Variants in DSCAM observed in about 807,000 individuals in gnomAD.
The protein encoded by DSCAM is cell adhesion molecule DSCAM.
In DSCAM, 47 loss-of-function variants were observed where a neutral mutation model predicts 217.7. The observed-to-expected ratio is 0.22, with a 90% confidence interval of 0.17 to 0.28. The LOEUF is 0.28. DSCAM is among the 10% of genes least tolerant of loss of function. The pLI, the probability that DSCAM is intolerant of heterozygous loss-of-function variation, is 1.00. For missense variants in DSCAM, 2,080 were observed against 2,618.3 expected (o/e 0.79, Z 4.49); for synonymous variants, 1,056 against 1,015.3 (o/e 1.04, Z -0.76).
chr21:40,025,275 G>C lies in DSCAM; in HGVS notation c.5687-11889C>G, dbSNP rs1227792623. Among the ~76,000 whole-genome samples, 242 of 126,828 alleles carry C rather than the reference G, an allele frequency of 1.9e-3. 1 individual carries two copies. The highest frequency in any genetic ancestry group is 7.1e-3 in the African/African-American group (230 of 32,608). The allele number at this position is 126,828 out of a possible 152,430, so 83.2% of individuals were successfully genotyped here. A position where few individuals can be genotyped will look rare whatever the true frequency, so the allele number is the denominator to read the frequency against. On this transcript the variant is annotated intron_variant, in intron 32 of 32. Transcript: ENST00000400454. ...ATGTGCTGCTGGATTCGGTCTGCCAGTATTTTATTGAGGATTTTTGCATCA... is the reference window on the plus strand; with the variant it reads ...ATGTGCTGCTGGATTCGGTCTGCCACTATTTTATTGAGGATTTTTGCATCA...
At chr21:40,353,421 C>T (rs555006516) in intron 5 of DSCAM, 44 bp downstream of exon 5, 13 of 1,582,370 alleles carry the variant, frequency 8.2e-6, no homozygotes, top group Admixed American at 8.0e-5. Flanking sequence ...GGAGCTCCAT[C>T]GATGGAAGCC....
intron 20 of DSCAM, among the ~76,000 whole-genome samples, chr21:40,097,991 AAAG>A (rs2089703888): frequency 6.8e-6 from 1 of 146,808 alleles, no homozygotes; most frequent in Non-Finnish European, 1.5e-5. Flanking sequence ...AGAAAGAAAG[AAAG>A]AAAGAAAGAA....
chr21:40,624,326 G>A (rs1201706442), intron 3 of DSCAM, among the ~76,000 whole-genome samples: 1 of 152,150 alleles, frequency 6.6e-6, no homozygotes, highest in Non-Finnish European at 1.5e-5. Flanking sequence ...AAAGCTCAGA[G>A]ACAGAAAGAT....
At chr21:40,433,400 G>A (rs1188902889) in intron 3 of DSCAM, among the ~76,000 whole-genome samples, 2 of 150,410 alleles carry the variant, frequency 1.3e-5, no homozygotes, top group Non-Finnish European at 2.9e-5. Context: ...CCAGCTGCAC[G>A]GGACCAACAC....
At chr21:40,480,859 T>A (rs1193563571) in intron 3 of DSCAM, among the ~76,000 whole-genome samples, 1 of 152,216 alleles carries the variant, frequency 6.6e-6, no homozygotes, top group Non-Finnish European at 1.5e-5. Flanking sequence ...TATCAATATT[T>A]ATATCTTTTC....
chr21:40,521,715 A>C (rs893376240), intron 3 of DSCAM, among the ~76,000 whole-genome samples: 1 of 152,186 alleles, frequency 6.6e-6, no homozygotes, highest in Non-Finnish European at 1.5e-5. Flanking sequence ...GAGTAGGAAT[A>C]GGGAGATGGG....
chr21:40,495,552 T>C (rs1262859861), intron 3 of DSCAM, among the ~76,000 whole-genome samples: 1 of 152,222 alleles, frequency 6.6e-6, no homozygotes, highest in African/African-American at 2.4e-5. Context: ...AAAGGGCATA[T>C]GTGACAAACC....
chr21:40,019,392 TA>T (rs1320493719), intron 32 of DSCAM, among the ~76,000 whole-genome samples: 2 of 152,242 alleles, frequency 1.3e-5, no homozygotes, highest in Non-Finnish European at 2.9e-5. Context: ...CTGACAGGTC[TA>T]GATCTGGGCT....
intron 1 of DSCAM, among the ~76,000 whole-genome samples, chr21:40,798,883 G>T (rs748004151): frequency 1.3e-5 from 2 of 151,982 alleles, no homozygotes; most frequent in Non-Finnish European, 2.9e-5. Context: ...CAAAATTAAA[G>T]AGATTAAAAT....
At chr21:40,700,248 A>C (rs1205723542) in intron 2 of DSCAM, among the ~76,000 whole-genome samples, 1 of 152,236 alleles carries the variant, frequency 6.6e-6, no homozygotes, top group Non-Finnish European at 1.5e-5. Flanking sequence ...AGAAGTGGTG[A>C]GAGCATACAC....
intron 11 of DSCAM, among the ~76,000 whole-genome samples, chr21:40,232,478 C>A (rs1053372286): frequency 6.6e-6 from 1 of 152,162 alleles, no homozygotes; most frequent in Non-Finnish European, 1.5e-5. Flanking sequence ...AGTGTCTCTA[C>A]AAGGGACTTC....
At chr21:40,446,447 T>G (rs2075675382) in intron 3 of DSCAM, among the ~76,000 whole-genome samples, 2 of 152,192 alleles carry the variant, frequency 1.3e-5, no homozygotes, top group Admixed American at 1.3e-4. Context: ...CTGCATACAG[T>G]GCTTTGCTGG....
chr21:40,182,040 G>A (rs952404986), intron 14 of DSCAM, among the ~76,000 whole-genome samples: 3 of 151,990 alleles, frequency 2.0e-5, no homozygotes, highest in Non-Finnish European at 2.9e-5. Context: ...TGGGGAGCTC[G>A]CCTTGGGGGT....
At chr21:40,648,969 C>T (rs2146355692) in intron 3 of DSCAM, among the ~76,000 whole-genome samples, 2 of 152,270 alleles carry the variant, frequency 1.3e-5, no homozygotes, top group Middle Eastern at 3.4e-3. Context: ...GGTGGGGGTG[C>T]CTCCAATGGC....
intron 3 of DSCAM, among the ~76,000 whole-genome samples, chr21:40,511,196 C>G (rs772667215): frequency 2.7e-4 from 41 of 152,182 alleles, no homozygotes; most frequent in Non-Finnish European, 3.8e-4. Flanking sequence ...TTCTCAGTTA[C>G]TTTTGAGAAA....
intron 6 of DSCAM, among the ~76,000 whole-genome samples, chr21:40,344,457 C>T (rs886655597): frequency 1.3e-5 from 2 of 152,126 alleles, no homozygotes; most frequent in Non-Finnish European, 1.5e-5. Flanking sequence ...ATTCTTTCAC[C>T]TCTTTATTAC....
At chr21:40,736,639 A>T (rs2091065843) in intron 1 of DSCAM, among the ~76,000 whole-genome samples, 1 of 152,180 alleles carries the variant, frequency 6.6e-6, no homozygotes, top group African/African-American at 2.4e-5. Context: ...TCATTAGAAC[A>T]AAAGAGGCTT....
intron 3 of DSCAM, among the ~76,000 whole-genome samples, chr21:40,588,420 C>A (rs995586739): frequency 6.6e-6 from 1 of 152,140 alleles, no homozygotes; most frequent in African/African-American, 2.4e-5. Context: ...TGTGATGAAT[C>A]TTAAATACCG....
chr21:40,243,516 C>T (rs2073181452), intron 11 of DSCAM, among the ~76,000 whole-genome samples: 1 of 152,158 alleles, frequency 6.6e-6, no homozygotes, highest in African/African-American at 2.4e-5. Flanking sequence ...TGAAGCTTCT[C>T]ATTCAAAAAC....
Sources: gnomAD v4.1 joint callset for allele counts (sites outside exome capture counted in the v4.1 genomes callset) on GRCh38, gnomAD v4.1.1 for gene constraint, MANE v1.5 for transcripts, NCBI Gene and HGNC (gene_info 2026-07-23, HGNC 2026-07-21) for gene names.